The following SMG5 variants were observed in gnomAD, a reference collection of about 807,000 sequenced individuals.
The protein encoded by SMG5 is SMG5 nonsense mediated mRNA decay factor.
SMG5 carries 53 observed loss-of-function variants against 122.9 expected under a neutral mutation model. That is an observed-to-expected ratio of 0.43 (90% confidence interval 0.35 to 0.54). The LOEUF (loss-of-function observed/expected upper bound fraction) is 0.54. SMG5 is among the 20% of genes least tolerant of loss of function. The pLI, the probability that SMG5 is intolerant of heterozygous loss-of-function variation, is 0.01. For synonymous variants in SMG5, 477 were observed against 490.2 expected (o/e 0.97, Z 0.35); for missense variants, 1,153 against 1,285.6 (o/e 0.90, Z 1.58).
Position 156,267,540 on chromosome 1 carries a change from G to A in SMG5, c.1047C>T (p.Phe349=), listed in dbSNP as rs748006816. The change falls in exon 10 of 22, where the codon TTC becomes TTT. Residue 349 remains phenylalanine, a synonymous_variant. Coordinates refer to ENST00000361813, the MANE Select transcript of SMG5 (RefSeq NM_015327.3). ...DEEEYESGYA[F]LPDLLIFQMV... ...TTTGAAAGATGAGAAGGTCCGGGAG[G>A]AAAGCATATCCACTCTCATACTCCT... 2.5e-6 allele frequency: 4 copies of A among 1,614,142 alleles called. No individual in the cohort carries two copies. The highest frequency in any genetic ancestry group is 1.6e-4 in the Middle Eastern group (1 of 6,062).
chr1:156,272,094 TAA>T (rs1662462475), intron 7 of SMG5, among the ~76,000 whole-genome samples: 1 of 152,302 alleles, frequency 6.6e-6, no homozygotes, highest in Admixed American at 6.5e-5. Context: ...GTATTTTGCA[TAA>T]GACAGTAAAT....
chr1:156,250,149 C>T lies in SMG5; in HGVS notation c.*438G>A, dbSNP rs1294951470. 1 of 356,296 alleles carries T rather than the reference C, an allele frequency of 2.8e-6. No homozygotes were observed. The highest frequency in any genetic ancestry group is 5.6e-6 in the Non-Finnish European group (1 of 178,814). 22.1% of individuals were successfully genotyped at this position (356,296 alleles called of 1,614,324 possible). A position where few individuals can be genotyped will look rare whatever the true frequency, so the allele number is the denominator to read the frequency against. On this transcript the variant is annotated 3_prime_UTR_variant, in exon 22 of 22. Coordinates refer to ENST00000361813, the MANE Select transcript of SMG5 (RefSeq NM_015327.3). ...AATCACTCAGACACCAGGTATTACC[C>T]AGCTCTTCCCCCAAGACCTAGAGGG...
In SMG5 at chr1:156,268,303, G is replaced by C. The variant is rs1432363455; in HGVS notation, c.826C>G (p.Pro276Ala). 1.2e-6 allele frequency: 2 copies of C among 1,614,128 alleles called. No homozygotes were observed. The highest frequency in any genetic ancestry group is 1.7e-6 in the Non-Finnish European group (2 of 1,180,010). The change falls in exon 8 of 22, where the codon CCT becomes GCT. Residue 276 changes from proline to alanine, a missense_variant. By Grantham distance (27) the Pro-to-Ala change is conservative. Around this residue, in one of 5 missense-constraint regions of SMG5, gnomAD observed 631 missense variants for 650.6 expected, o/e 0.97. Transcript: ENST00000361813. ...LKKCETRKLS[P>A]GKKRCKDIKR... ...GGCCCCACTCACCGCTTTTTGCCAG[G>C]AGACAGTTTCCGAGTCTCACACTTC...
chr1:156,277,049 G>A, intron 4 of SMG5, 36 bp downstream of exon 4: 1 of 1,602,022 alleles, frequency 6.2e-7, no homozygotes, highest in Non-Finnish European at 8.5e-7. Flanking sequence ...AGAAGCATGA[G>A]AACCTGCTCA....
rs763853493 is a variant in SMG5 at position 156,253,489 on chromosome 1, C to A, written c.2462G>T (p.Arg821Leu). 5.6e-6 allele frequency: 9 copies of A among 1,613,982 alleles called. No individual in the cohort carries two copies. The South Asian group carries it at 9.9e-5, about 18-fold the overall frequency. Residue 821 changes from arginine to leucine, a missense_variant, in exon 17 of 22, where the codon CGG becomes CTG. Arg to Leu is a moderately radical substitution (Grantham distance 102). This residue lies in a region of SMG5 where 140 missense variants were observed against 227.8 expected (regional missense o/e 0.61). Transcript: ENST00000361813. ...QFRMAQEEAR[R>L]NRLMRDMAQL... ...AGCCATGTCTCTCATGAGCCTGTTC[C>A]GACGAGCTTCCTCCTGTGCCTATGA...
In SMG5 at chr1:156,282,632, CT is replaced by C; in HGVS notation, c.48del (p.Val17SerfsTer39). 1 of 1,609,022 alleles carries C rather than the reference CT, an allele frequency of 6.2e-7. No individual in the cohort carries two copies. ...PTGESSEPEA[K>X]VLHTKRLYRA... ...CGGTAAAGCCGCTTAGTGTGGAGGA[CT>C]TTTGCTTCGGGCTCGCTGCTCTCCC... On this transcript the variant is annotated frameshift_variant, in exon 1 of 22. Transcript: ENST00000361813. LOFTEE classifies it high-confidence loss of function.
intron 5 of SMG5, 79 bp from the exon 6 acceptor site, chr1:156,273,529 C>G: frequency 1.5e-6 from 2 of 1,351,776 alleles, no homozygotes; most frequent in South Asian, 2.5e-5. Context: ...GGAGTCCACT[C>G]TGAGAGTGGT....
At position 156,260,553 on chromosome 1, in the gene SMG5, C is replaced by T. The variant is rs771103018; in HGVS notation, c.2181G>A (p.Leu727=). Residue 727 remains leucine (L), a synonymous_variant, in exon 15 of 22, where the codon CTG becomes CTA. Transcript: ENST00000361813. ...CELPDLPSSL[L]LPEDMALRNL... ...TACGAAGAGCCATGTCCTCTGGGAG[C>T]AGAAGGCTAGAGGGGAGGTCAGGCA... 1 of 1,563,104 alleles carries T rather than the reference C, an allele frequency of 6.4e-7. No homozygotes were observed. Among genetic ancestry groups the T allele is most frequent in the Admixed American group, 2.1e-5 (1 of 47,530 alleles).
chr1:156,268,436 C>T (rs1267858955), intron 7 of SMG5, 21 bp from the exon 8 acceptor site: 1 of 1,610,930 alleles, frequency 6.2e-7, no homozygotes, highest in Non-Finnish European at 8.5e-7. Flanking sequence ...TAGAGGTGAG[C>T]TACTGAGTCT....
chr1:156,262,933 A>G (rs994235924), intron 13 of SMG5, among the ~76,000 whole-genome samples: 1 of 152,234 alleles, frequency 6.6e-6, no homozygotes, highest in African/African-American at 2.4e-5. Flanking sequence ...CCTCCATGGC[A>G]GCCGGCTTGA....
chr1:156,266,446 C>T, intron 11 of SMG5, 66 bp from the exon 12 acceptor site: 2 of 1,602,892 alleles, frequency 1.2e-6, no homozygotes, highest in Non-Finnish European at 1.7e-6. Context: ...GGAATGTGCT[C>T]TCCAACACCA....
upstream of SMG5, chr1:156,285,435 T>G (rs772401986): frequency 1.9e-6 from 3 of 1,613,326 alleles, no homozygotes; most frequent in Non-Finnish European, 2.5e-6. Flanking sequence ...GACAGCACAG[T>G]AAGTGAGGCT....
chr1:156,288,155 G>A, the SMG5 span, among the ~76,000 whole-genome samples: 29 of 146,670 alleles, frequency 2.0e-4, no homozygotes, highest in African/African-American at 5.8e-4. Context: ...CCGAGATAGC[G>A]CCACTGCAGT....
Position 156,265,860 on chromosome 1 carries a change from GA to G in SMG5, c.1775del (p.Leu592ProfsTer21). ...AGGTATGAGGGTTGGTGGTGGGCTG[GA>G]GGAGCAGGTTGCTAAAGGTGGGGGC... is the stretch of plus-strand genomic sequence containing the variant. ...RLAPTFSNLL[L>X]QPTTNPHTSA... On this transcript the variant is annotated frameshift_variant, in exon 12 of 22. Coordinates refer to ENST00000361813, the MANE Select transcript of SMG5 (RefSeq NM_015327.3). LOFTEE classifies it high-confidence loss of function. 6.2e-7 allele frequency: 1 copy of G among 1,614,224 alleles called. No homozygotes were observed. The highest frequency in any genetic ancestry group is 8.5e-7 in the Non-Finnish European group (1 of 1,180,038).
chr1:156,288,084 G>C, the SMG5 span, among the ~76,000 whole-genome samples: 3 of 151,564 alleles, frequency 2.0e-5, no homozygotes, highest in African/African-American at 7.3e-5. Flanking sequence ...GTGCGGTGGC[G>C]AGCGCCTACA....
chr1:156,254,983 G>A (rs1178464695), intron 16 of SMG5, among the ~76,000 whole-genome samples: 1 of 151,836 alleles, frequency 6.6e-6, no homozygotes, highest in Non-Finnish European at 1.5e-5. Context: ...CCAGCTACTT[G>A]GGAGGCTGAG....
chr1:156,275,530 C>G (rs1662643193), intron 4 of SMG5, among the ~76,000 whole-genome samples: 1 of 152,232 alleles, frequency 6.6e-6, no homozygotes, highest in Admixed American at 6.5e-5. Flanking sequence ...AGCTGCTAAG[C>G]AGCAGAGTTA....
chr1:156,260,680 G>A (rs908014139), intron 14 of SMG5, 54 bp from the exon 15 acceptor site: 9 of 1,425,976 alleles, frequency 6.3e-6, no homozygotes, highest in Non-Finnish European at 8.3e-6. Flanking sequence ...CTCCCAGTCA[G>A]AGAGACATAA....
chr1:156,255,695 C>T (rs1298117730), intron 16 of SMG5, among the ~76,000 whole-genome samples: 4 of 151,970 alleles, frequency 2.6e-5, no homozygotes, highest in Admixed American at 6.6e-5. Context: ...GGACCAGCCT[C>T]AGCAACATAG....
Sources: allele counts gnomAD v4.1 joint callset (sites outside exome capture counted in the v4.1 genomes callset), GRCh38; gene constraint gnomAD v4.1.1; regional missense constraint gnomAD v4.1.1; transcripts MANE v1.5; gene names NCBI Gene and HGNC (gene_info 2026-07-23, HGNC 2026-07-21).